RNF180: variants seen among roughly 807,000 people sequenced by gnomAD.
RNF180 encodes E3 ubiquitin-protein ligase RNF180.
In RNF180, 38 loss-of-function variants were observed where a neutral mutation model predicts 59.2. That is an observed-to-expected ratio of 0.64 (90% CI 0.50 to 0.84). RNF180 has a LOEUF of 0.84. Among genes scored for constraint, RNF180 ranks in the 40% least tolerant of loss-of-function variants. The probability of loss-of-function intolerance (pLI) is 0.00; values close to 1 mark genes in which losing one functional copy is unlikely to be tolerated. For missense variants in RNF180, 705 were observed against 700.9 expected (o/e 1.01, Z -0.07); for synonymous variants, 262 against 240.3 (o/e 1.09, Z -0.84).
At position 64,299,869 on chromosome 5, in the gene RNF180, T is replaced by G. The variant is rs566563984; in HGVS notation, c.1228-25317T>G. Among the ~76,000 whole-genome samples the G allele has an allele frequency of 3.2e-3, 491 of 151,958 alleles. 1 individual carries two copies. The highest frequency in any genetic ancestry group is 0.012 in the African/African-American group (483 of 41,510). On this transcript the variant is annotated intron_variant, in intron 5 of 7. Transcript: ENST00000389100. ...ATTTCATAAATAAATGGTTCATAAG[T>G]TTTTAAGTTGCATGCTGTTCCATGT...
chr5:64,349,387 G>A (rs778020805), intron 7 of RNF180, among the ~76,000 whole-genome samples: 3 of 147,290 alleles, frequency 2.0e-5, no homozygotes, highest in Admixed American at 6.7e-5. Flanking sequence ...ATAATAATAA[G>A]TTATGACAGG....
At position 64,369,947 on chromosome 5, in the gene RNF180, GAAT is replaced by G. The variant is rs1746604335; in HGVS notation, c.*137_*139del. On this transcript the variant is annotated 3_prime_UTR_variant, in exon 8 of 8. Transcript: ENST00000389100. ...TTGTTGATGTTTATAGAAAGCCTGAGAATAATGAATTTATTTATTAATGTTTTT... is the reference window on the plus strand; with the variant it reads ...TTGTTGATGTTTATAGAAAGCCTGAGAATGAATTTATTTATTAATGTTTTT... The G allele has an allele frequency of 2.0e-6, 1 of 512,592 alleles. No homozygotes were observed. The highest frequency in any genetic ancestry group is 3.3e-6 in the Non-Finnish European group (1 of 300,586). 31.8% of individuals were successfully genotyped at this position (512,592 alleles called of 1,614,324 possible).
chr5:64,359,011 C>T (rs1272418541), intron 7 of RNF180, among the ~76,000 whole-genome samples: 87 of 145,498 alleles, frequency 6.0e-4, no homozygotes, highest in African/African-American at 8.4e-4. Context: ...ATATGTGCCA[C>T]ATTTTCTTAA....
chr5:64,246,783 T>A (rs138185756), intron 5 of RNF180, among the ~76,000 whole-genome samples: 2 of 152,054 alleles, frequency 1.3e-5, no homozygotes, highest in South Asian at 2.1e-4. Context: ...AATCCTGATA[T>A]CAAAACCTGA....
intron 7 of RNF180, among the ~76,000 whole-genome samples, chr5:64,361,523 A>G (rs1746252234): frequency 6.6e-6 from 1 of 151,522 alleles, no homozygotes; most frequent in Non-Finnish European, 1.5e-5. Context: ...TGAAGAGTAC[A>G]ATTTTCACTG....
intron 1 of RNF180, among the ~76,000 whole-genome samples, chr5:64,172,909 A>AT (rs1414947559): frequency 6.6e-6 from 1 of 152,234 alleles, no homozygotes; most frequent in Admixed American, 6.5e-5. Context: ...ATGCTAAAAA[A>AT]GGCTGAACAT....
intron 1 of RNF180, among the ~76,000 whole-genome samples, chr5:64,196,594 A>G (rs949906081): frequency 1.3e-5 from 2 of 152,056 alleles, no homozygotes; most frequent in Non-Finnish European, 2.9e-5. Context: ...AAGTAATCTT[A>G]CTTGGTCAAA....
At chr5:64,286,629 G>A (rs959544768) in intron 5 of RNF180, among the ~76,000 whole-genome samples, 10 of 152,158 alleles carry the variant, frequency 6.6e-5, no homozygotes, top group Admixed American at 6.5e-5. Flanking sequence ...TCAGTTCTAA[G>A]AATATTAATC....
At chr5:64,351,844 G>A (rs1011048461) in intron 7 of RNF180, among the ~76,000 whole-genome samples, 6 of 152,070 alleles carry the variant, frequency 3.9e-5, no homozygotes, top group Non-Finnish European at 7.4e-5. Flanking sequence ...ATGTTCATCA[G>A]GGATATTGGT....
rs558157270 is a variant in RNF180 at position 64,330,424 on chromosome 5, CAAAA to C, written c.1579+24_1579+27del. 4.7e-6 allele frequency: 7 copies of C among 1,487,708 alleles called. No homozygotes were observed. The highest frequency in any genetic ancestry group is 5.4e-6 in the Non-Finnish European group (6 of 1,115,982). 92.2% of individuals were successfully genotyped at this position (1,487,708 alleles called of 1,614,324 possible). On this transcript the variant is annotated intron_variant, in intron 7 of 7. Coordinates refer to ENST00000389100, the MANE Select transcript of RNF180 (RefSeq NM_001113561.2). ...TTTTGGAGGTAAGGAAATCTAACGCCAAAAAAAAAGTCTGGTAATTTTGTCTAAG... is the reference window on the plus strand; with the variant it reads ...TTTTGGAGGTAAGGAAATCTAACGCCAAAAAGTCTGGTAATTTTGTCTAAG...
chr5:64,203,595 A>T (rs1751861869), intron 2 of RNF180, among the ~76,000 whole-genome samples: 1 of 152,132 alleles, frequency 6.6e-6, no homozygotes, highest in Non-Finnish European at 1.5e-5. Flanking sequence ...ATAAAGTAAA[A>T]ATATATTCAT....
rs537547639 is a variant in RNF180, at chr5:64,322,304, A to G, written c.1228-2882A>G. Among the ~76,000 whole-genome samples the G allele has an allele frequency of 6.3e-4, 96 of 152,200 alleles. 1 individual carries two copies. Among genetic ancestry groups the G allele is most frequent in the African/African-American group, 2.2e-3 (93 of 41,544 alleles). On this transcript the variant is annotated intron_variant, in intron 5 of 7. Coordinates refer to ENST00000389100, the MANE Select transcript of RNF180 (RefSeq NM_001113561.2). ...CAGAATCTATAAGAAACTTAAATTT[A>G]AAGAAAAAAACAACCCCATCAAAAA...
At chr5:64,259,529 G>C (rs780050739) in intron 5 of RNF180, among the ~76,000 whole-genome samples, 3 of 152,150 alleles carry the variant, frequency 2.0e-5, no homozygotes, top group Non-Finnish European at 2.9e-5. Flanking sequence ...AGACTTCTTA[G>C]AGACTTACTC....
At position 64,326,784 on chromosome 5, in the gene RNF180, T is replaced by C. The variant is rs146469457; in HGVS notation, c.1453+1373T>C. ...TATTGGACTGAAAACTTTTTTTTGT[T>C]ATTGTCTGTTTTGGTATCAGAGTTA... On this transcript the variant is annotated intron_variant, in intron 6 of 7. Coordinates refer to ENST00000389100, the MANE Select transcript of RNF180 (RefSeq NM_001113561.2). Among the ~76,000 whole-genome samples the C allele has an allele frequency of 4.2e-3, 645 of 152,258 alleles. 5 individuals are homozygous for C. Among genetic ancestry groups the C allele is most frequent in the African/African-American group, 0.015 (603 of 41,562 alleles).
chr5:64,222,541 T>C (rs1741407834), intron 5 of RNF180, among the ~76,000 whole-genome samples: 1 of 152,196 alleles, frequency 6.6e-6, no homozygotes. Context: ...CAGTAAGTTA[T>C]GACAACAGGT....
At chr5:64,243,294 C>T (rs1742907153) in intron 5 of RNF180, among the ~76,000 whole-genome samples, 1 of 152,168 alleles carries the variant, frequency 6.6e-6, no homozygotes, top group Non-Finnish European at 1.5e-5. Flanking sequence ...TGGTCTAGCT[C>T]AGTGGATCCC....
chr5:64,189,923 A>G (rs922175119), intron 1 of RNF180, among the ~76,000 whole-genome samples: 3 of 152,206 alleles, frequency 2.0e-5, no homozygotes, highest in African/African-American at 7.2e-5. Flanking sequence ...CTATCTGGCT[A>G]TGAATATGCC....
intron 5 of RNF180, among the ~76,000 whole-genome samples, chr5:64,248,215 A>C (rs1272370011): frequency 6.6e-6 from 1 of 152,220 alleles, no homozygotes; most frequent in African/African-American, 2.4e-5. Context: ...CTTCATGACT[A>C]AAACACCAAA....
intron 5 of RNF180, among the ~76,000 whole-genome samples, chr5:64,257,995 G>T (rs1744085632): frequency 2.0e-5 from 3 of 152,288 alleles, no homozygotes; most frequent in South Asian, 4.1e-4. Flanking sequence ...ATCCTAATTT[G>T]GCCAGTGCCA....
Sources: allele counts gnomAD v4.1 joint callset (sites outside exome capture counted in the v4.1 genomes callset), GRCh38; gene constraint gnomAD v4.1.1; transcripts MANE v1.5; gene names NCBI Gene and HGNC (gene_info 2026-07-23, HGNC 2026-07-21).